ATP6V0E1: variants seen among roughly 807,000 people sequenced by gnomAD.
The protein encoded by ATP6V0E1 is V-type proton ATPase subunit e 1.
ATP6V0E1 carries 4 observed loss-of-function variants against 11.6 expected under a neutral mutation model. The ratio of observed to expected loss-of-function variants is 0.35; its 90% CI spans 0.17 to 0.79. ATP6V0E1 has a LOEUF of 0.79. Ranked by LOEUF, ATP6V0E1 falls within the 30% of genes least tolerant of loss-of-function variation. ATP6V0E1 has a pLI of 0.54. For missense variants in ATP6V0E1, 105 were observed against 100.0 expected (o/e 1.05, Z -0.21); for synonymous variants, 36 against 34.8 (o/e 1.04, Z -0.13).
At chr5:172,995,160 G>A (rs1756045550) in intron 2 of ATP6V0E1, among the ~76,000 whole-genome samples, 1 of 152,078 alleles carries the variant, frequency 6.6e-6, no homozygotes, top group African/African-American at 2.4e-5. Flanking sequence ...CTGCAGTGCA[G>A]TGGTGTGATC....
chr5:173,012,416 C>T (rs923071372), intron 2 of ATP6V0E1, among the ~76,000 whole-genome samples: 1 of 151,652 alleles, frequency 6.6e-6, no homozygotes, highest in African/African-American at 2.4e-5. Flanking sequence ...GAAATTGAAC[C>T]CTTTCTGTCA....
At chr5:173,008,712 A>G (rs1756265822) in intron 2 of ATP6V0E1, among the ~76,000 whole-genome samples, 2 of 149,002 alleles carry the variant, frequency 1.3e-5, no homozygotes, top group Non-Finnish European at 3.0e-5. Flanking sequence ...GATCGAGACC[A>G]TCCTGGCTAA....
rs201507427 is a variant in ATP6V0E1, at chr5:173,031,190, CG to C, written c.*37-3208del. On this transcript the variant is annotated intron_variant, in intron 3 of 3. Coordinates refer to ENST00000519374, the MANE Select transcript of ATP6V0E1 (RefSeq NM_003945.4). ...CGATCTCCTGACCTCATGATCTGCCCGCCTCGGCTTCCCAAAGTGCTGGGAT... is the reference window on the plus strand; with the variant it reads ...CGATCTCCTGACCTCATGATCTGCCCCCTCGGCTTCCCAAAGTGCTGGGAT... Among the ~76,000 whole-genome samples the C allele has an allele frequency of 9.7e-3, 1,469 of 151,836 alleles. 14 individuals carry two copies. The highest frequency in any genetic ancestry group is 0.036 in the South Asian group (175 of 4,816).
At chr5:173,005,300 A>G (rs535873480) in intron 2 of ATP6V0E1, among the ~76,000 whole-genome samples, 8 of 152,110 alleles carry the variant, frequency 5.3e-5, no homozygotes, top group African/African-American at 1.9e-4. Flanking sequence ...CTCTTCATTT[A>G]TTTAGGTTTT....
At chr5:173,032,489 C>G (rs903363102) in intron 3 of ATP6V0E1, among the ~76,000 whole-genome samples, 1 of 151,804 alleles carries the variant, frequency 6.6e-6, no homozygotes, top group African/African-American at 2.4e-5. Flanking sequence ...TGGGGTTTTA[C>G]CATGCTGGCC....
intron 3 of ATP6V0E1, among the ~76,000 whole-genome samples, chr5:173,023,296 T>C (rs1009174343): frequency 1.3e-5 from 2 of 152,174 alleles, no homozygotes; most frequent in Admixed American, 1.3e-4. Context: ...TGAATTCAAG[T>C]GATTCTTCTG....
chr5:173,019,217 G>A (rs1322591257), intron 2 of ATP6V0E1, among the ~76,000 whole-genome samples: 1 of 152,042 alleles, frequency 6.6e-6, no homozygotes, highest in Non-Finnish European at 1.5e-5. Flanking sequence ...CCAAAGTGCG[G>A]GATTATAGGC....
chr5:173,009,214 A>T (rs1180198094), intron 2 of ATP6V0E1, among the ~76,000 whole-genome samples: 26 of 152,036 alleles, frequency 1.7e-4, no homozygotes. Flanking sequence ...CAACAGAGCG[A>T]GCCTGTCTCA....
At chr5:173,023,465 G>C (rs1399789560) in intron 3 of ATP6V0E1, among the ~76,000 whole-genome samples, 1 of 152,194 alleles carries the variant, frequency 6.6e-6, no homozygotes, top group African/African-American at 2.4e-5. Context: ...CAAAATACTG[G>C]GATTATAGGC....
chr5:173,019,939 A>G (rs1277203238), intron 2 of ATP6V0E1, among the ~76,000 whole-genome samples: 2 of 152,236 alleles, frequency 1.3e-5, no homozygotes, highest in Admixed American at 6.5e-5. Context: ...AAGCGAAGAT[A>G]TCATGAATTC....
At chr5:173,024,790 T>C (rs2113611897) in intron 3 of ATP6V0E1, among the ~76,000 whole-genome samples, 1 of 152,142 alleles carries the variant, frequency 6.6e-6, no homozygotes, top group East Asian at 1.9e-4. Flanking sequence ...CATTAGTATT[T>C]TCTCTTCAAA....
At chr5:173,020,825 T>C (rs758329349) in intron 3 of ATP6V0E1, 38 of 519,782 alleles carry the variant, frequency 7.3e-5, no homozygotes, top group Admixed American at 6.8e-4. Context: ...CCTGCGCCAC[T>C]GTTCTGGTGG....
intron 3 of ATP6V0E1, among the ~76,000 whole-genome samples, chr5:173,031,945 G>C (rs1164593832): frequency 6.6e-6 from 1 of 151,726 alleles, no homozygotes; most frequent in East Asian, 1.9e-4. Flanking sequence ...AGAATTTTGA[G>C]ACCAGCCTGG....
chr5:172,994,615 C>T (rs1561768524), intron 1 of ATP6V0E1, among the ~76,000 whole-genome samples, 160 bp from the exon 2 acceptor site: 1 of 152,134 alleles, frequency 6.6e-6, no homozygotes, highest in Non-Finnish European at 1.5e-5. Context: ...GTACCCTGGG[C>T]ACACCGCAGT....
intron 3 of ATP6V0E1, 131 bp from the exon 4 acceptor site, chr5:173,034,268 T>C (rs1340708901): frequency 7.5e-6 from 5 of 667,818 alleles, no homozygotes; most frequent in African/African-American, 1.8e-5. Context: ...AAGTTGATTA[T>C]CCTGTGTTTC....
intron 3 of ATP6V0E1, among the ~76,000 whole-genome samples, chr5:173,034,030 G>A (rs1756703925): frequency 6.6e-6 from 1 of 152,198 alleles, no homozygotes; most frequent in African/African-American, 2.4e-5. Context: ...CCAGAGCAGA[G>A]TTCGCCATGC....
chr5:173,015,451 A>G (rs775974397), intron 2 of ATP6V0E1, among the ~76,000 whole-genome samples: 3 of 152,146 alleles, frequency 2.0e-5, no homozygotes, highest in Non-Finnish European at 4.4e-5. Context: ...ATCACGAACC[A>G]AGGAAGGATT....
chr5:172,989,643 C>T lies in ATP6V0E1; in HGVS notation c.105-5132C>T, dbSNP rs955887654. Among the ~76,000 whole-genome samples, 9 of 151,902 alleles carry T rather than the reference C, an allele frequency of 5.9e-5. No individual in the cohort carries two copies. The East Asian group carries it at 1.8e-3, about 30-fold the overall frequency. On this transcript the variant is annotated intron_variant, in intron 1 of 3. Transcript: ENST00000519374. Reference sequence around the variant, plus strand: ...CCGGGTTCAAGCAATTCTCCTGCCTCAGCCTTCCGAGTAGCTGGGATTACA... The same window carrying T: ...CCGGGTTCAAGCAATTCTCCTGCCTTAGCCTTCCGAGTAGCTGGGATTACA...
At position 172,986,577 on chromosome 5, in the gene ATP6V0E1, A is replaced by G. The variant is rs190828892; in HGVS notation, c.104+2613A>G. Reference sequence around the variant, plus strand: ...CAGGAGTTCCAGGATGCAGTAAGCTATGATCACACCACTGTACTCCAGCCT... The same window carrying G: ...CAGGAGTTCCAGGATGCAGTAAGCTGTGATCACACCACTGTACTCCAGCCT... On this transcript the variant is annotated intron_variant, in intron 1 of 3. Coordinates refer to ENST00000519374, the MANE Select transcript of ATP6V0E1 (RefSeq NM_003945.4). The G allele has an allele frequency of 3.1e-5, 10 of 319,664 alleles. No homozygotes were observed. The East Asian group carries it at 7.7e-4, about 25-fold the overall frequency. 19.8% of individuals were successfully genotyped at this position (319,664 alleles called of 1,614,324 possible).
Sources: allele counts gnomAD v4.1 joint callset (sites outside exome capture counted in the v4.1 genomes callset), GRCh38; gene constraint gnomAD v4.1.1; transcripts MANE v1.5; gene names NCBI Gene and HGNC (gene_info 2026-07-23, HGNC 2026-07-21).